PDZRN4: variants seen among roughly 807,000 people sequenced by gnomAD.
The protein encoded by PDZRN4 is PDZ domain containing ring finger 4, also known as PDZ domain-containing RING finger protein 4.
A neutral mutation model predicts 99.0 loss-of-function variants in PDZRN4; 70 were observed. The observed-to-expected ratio is 0.71, with a 90% CI of 0.58 to 0.86. PDZRN4 has a LOEUF of 0.86. PDZRN4 is among the 40% of genes least tolerant of loss of function. The pLI is 0.00. For synonymous variants in PDZRN4, 551 were observed against 501.6 expected, an observed-to-expected ratio of 1.10 and a Z score of -1.32; for missense variants, 1,474 against 1,331.2, an observed-to-expected ratio of 1.11 and a Z score of -1.67.
rs533182930 is a variant in PDZRN4 at position 41,490,891 on chromosome 12, G to A, written c.844-15565G>A. Among the ~76,000 whole-genome samples the A allele has an allele frequency of 8.5e-5, 13 of 152,172 alleles. 1 individual carries two copies. The South Asian group carries it at 2.7e-3, about 32-fold the overall frequency. ...TCACCCTTCAAAGTCCATCTTCTCA[G>A]CCCTGAAAGTACATAACTCAGATTC... On this transcript the variant is annotated intron_variant, in intron 3 of 9. Coordinates refer to ENST00000402685, the MANE Select transcript of PDZRN4 (RefSeq NM_001164595.2).
intron 3 of PDZRN4, among the ~76,000 whole-genome samples, chr12:41,330,168 GCTACTCTGGAGGA>G (rs1334131773): frequency 1.3e-5 from 2 of 151,922 alleles, no homozygotes; most frequent in Non-Finnish European, 2.9e-5. Flanking sequence ...CATAGTGAGT[GCTACTCTGGAGGA>G]CAAAGTACAA....
intron 3 of PDZRN4, among the ~76,000 whole-genome samples, chr12:41,239,715 T>C (rs1220616585): frequency 6.6e-6 from 1 of 152,172 alleles, no homozygotes; most frequent in African/African-American, 2.4e-5. Context: ...CTTTAGAAAG[T>C]CAAATTGTCC....
rs569744868 is a variant in PDZRN4 at position 41,230,842 on chromosome 12, G to A, written c.843+36654G>A. On this transcript the variant is annotated intron_variant, in intron 3 of 9. Coordinates refer to ENST00000402685, the MANE Select transcript of PDZRN4 (RefSeq NM_001164595.2). ...TTTATTTGTAATAGTCACATGCATG[G>A]TAGTTCTTTTATATTAACACACAGC... 8.5e-5 allele frequency among the ~76,000 whole-genome samples: 13 copies of A among 152,054 alleles called. No homozygotes were observed. In the South Asian group the frequency reaches 2.7e-3, roughly 32 times the overall value.
intron 3 of PDZRN4, among the ~76,000 whole-genome samples, chr12:41,452,978 G>C (rs1730429746): frequency 6.6e-6 from 1 of 152,114 alleles, no homozygotes; most frequent in Admixed American, 6.5e-5. Flanking sequence ...GGACTGGGCA[G>C]AGGAAAATGT....
At chr12:41,324,281 G>T (rs576846785) in intron 3 of PDZRN4, among the ~76,000 whole-genome samples, 8 of 151,856 alleles carry the variant, frequency 5.3e-5, no homozygotes, top group Non-Finnish European at 1.2e-4. Context: ...AAAAATATCT[G>T]TGCAAATTTC....
At chr12:41,424,124 T>C (rs889486366) in intron 3 of PDZRN4, among the ~76,000 whole-genome samples, 1 of 152,194 alleles carries the variant, frequency 6.6e-6, no homozygotes, top group African/African-American at 2.4e-5. Context: ...CTCTGCTTTG[T>C]GAAAAAATAT....
intron 3 of PDZRN4, among the ~76,000 whole-genome samples, chr12:41,309,637 T>C (rs1951593613): frequency 6.6e-6 from 1 of 152,032 alleles, no homozygotes; most frequent in Non-Finnish European, 1.5e-5. Flanking sequence ...ATCTGCATGA[T>C]AAATAACAGG....
chr12:41,522,673 G>T (rs190162396), intron 5 of PDZRN4, among the ~76,000 whole-genome samples: 151 of 152,218 alleles, frequency 9.9e-4, no homozygotes, highest in African/African-American at 3.5e-3. Flanking sequence ...CGTTCTCTCA[G>T]ATGTTGGGAA....
chr12:41,320,929 T>C (rs918371317), intron 3 of PDZRN4, among the ~76,000 whole-genome samples: 2 of 152,176 alleles, frequency 1.3e-5, no homozygotes, highest in Admixed American at 6.5e-5. Flanking sequence ...ATTTTGTTCT[T>C]TTTGTTTGCT....
Position 41,406,702 on chromosome 12 carries a change from A to G in PDZRN4, c.844-99754A>G, listed in dbSNP as rs547882684. Among the ~76,000 whole-genome samples, 88 of 151,900 alleles carry G rather than the reference A, an allele frequency of 5.8e-4. 1 individual carries two copies. Among genetic ancestry groups the G allele is most frequent in the African/African-American group, 1.9e-3 (80 of 41,444 alleles). ...TGAGGTCAGAAATTCGAGACCAGCC[A>G]GACCAACATAGCAAAACCTCAACTC... is the stretch of plus-strand genomic sequence containing the variant. On this transcript the variant is annotated intron_variant, in intron 3 of 9. Transcript: ENST00000402685.
Position 41,353,282 on chromosome 12 carries a change from A to G in PDZRN4, c.844-153174A>G, listed in dbSNP as rs191808463. Reference sequence around the variant, plus strand: ...ATTCCACTCTTTCACTCACTCACCCATTCACTTTCTCTCTCTCTTTTTATT... The same window carrying G: ...ATTCCACTCTTTCACTCACTCACCCGTTCACTTTCTCTCTCTCTTTTTATT... On this transcript the variant is annotated intron_variant, in intron 3 of 9. Transcript: ENST00000402685. Among the ~76,000 whole-genome samples the G allele has an allele frequency of 1.5e-3, 232 of 152,106 alleles. 1 individual carries two copies. The highest frequency in any genetic ancestry group is 5.1e-3 in the African/African-American group (213 of 41,490).
At chr12:41,414,254 G>A (rs1418109019) in intron 3 of PDZRN4, among the ~76,000 whole-genome samples, 1 of 152,004 alleles carries the variant, frequency 6.6e-6, no homozygotes, top group Non-Finnish European at 1.5e-5. Flanking sequence ...TTTTTCTTTA[G>A]CATTAACCTT....
rs1202135585 is a variant in PDZRN4, at chr12:41,563,657, C to T, written c.1467+8C>T. 1 of 1,595,930 alleles carries T rather than the reference C, an allele frequency of 6.3e-7. No homozygotes were observed. The highest frequency in any genetic ancestry group is 1.3e-5 in the African/African-American group (1 of 74,458). ...GCAAGGCCAGAGATTCAGGTCAGAA[C>T]AGAGATCAAAAGCCTTGAGACTGAA... is the stretch of plus-strand genomic sequence containing the variant. On this transcript the variant is annotated splice_region_variant and intron_variant, in intron 8 of 9. Transcript: ENST00000402685.
chr12:41,471,532 AATTT>A (rs1171440413), intron 3 of PDZRN4, among the ~76,000 whole-genome samples: 21 of 149,190 alleles, frequency 1.4e-4, no homozygotes, highest in Admixed American at 1.1e-3. Context: ...TAATATTTAT[AATTT>A]ATTTATATAA....
intron 3 of PDZRN4, among the ~76,000 whole-genome samples, chr12:41,254,052 T>C (rs1366433824): frequency 6.6e-6 from 1 of 151,836 alleles, no homozygotes; most frequent in Non-Finnish European, 1.5e-5. Flanking sequence ...TGTGTGTGTG[T>C]GTGTTTGCGT....
intron 3 of PDZRN4, among the ~76,000 whole-genome samples, chr12:41,464,374 G>C (rs956264548): frequency 2.0e-5 from 3 of 152,076 alleles, no homozygotes; most frequent in African/African-American, 7.2e-5. Context: ...CAAGTGAACA[G>C]AATAGCCATC....
chr12:41,196,558 G>A (rs557704080), intron 3 of PDZRN4, among the ~76,000 whole-genome samples: 30 of 152,130 alleles, frequency 2.0e-4, no homozygotes, highest in Non-Finnish European at 3.2e-4. Context: ...TGATGCTATC[G>A]GCTTTTTGAG....
chr12:41,437,249 C>A (rs899446705), intron 3 of PDZRN4, among the ~76,000 whole-genome samples: 1 of 152,186 alleles, frequency 6.6e-6, no homozygotes, highest in Middle Eastern at 3.4e-3. Flanking sequence ...TGTCACCCCC[C>A]CAAATTTCCT....
At chr12:41,288,143 T>C (rs1352210535) in intron 3 of PDZRN4, among the ~76,000 whole-genome samples, 1 of 152,182 alleles carries the variant, frequency 6.6e-6, no homozygotes, top group Non-Finnish European at 1.5e-5. Flanking sequence ...AAAAAGGCAG[T>C]CTTATGAGTA....
Sources: gnomAD v4.1 joint callset for allele counts (sites outside exome capture counted in the v4.1 genomes callset) on GRCh38, gnomAD v4.1.1 for gene constraint, MANE v1.5 for transcripts, NCBI Gene and HGNC (gene_info 2026-07-23, HGNC 2026-07-21) for gene names.